SLC35D4: variants seen among roughly 807,000 people sequenced by gnomAD.
SLC35D4 encodes solute carrier family 35 member D4.
the SLC35D4 span, among the ~76,000 whole-genome samples, chr18:23,298,871 C>A: frequency 2.0e-5 from 3 of 152,194 alleles, no homozygotes; most frequent in Admixed American, 6.5e-5. Context: ...CCTCTCTCAT[C>A]TGCCTACCCA....
At chr18:23,408,547 T>C in the SLC35D4 span, among the ~76,000 whole-genome samples, 1 of 152,222 alleles carries the variant, frequency 6.6e-6, no homozygotes, top group African/African-American at 2.4e-5. Flanking sequence ...ACAGAATTGC[T>C]GGTGTTGACA....
chr18:23,257,118 G>A, the SLC35D4 span: 2 of 1,253,832 alleles, frequency 1.6e-6, no homozygotes, highest in South Asian at 1.3e-5. Context: ...TGCCCAAAGT[G>A]GATTTCTCCT....
At chr18:23,409,660 T>C in the SLC35D4 span, among the ~76,000 whole-genome samples, 5 of 151,960 alleles carry the variant, frequency 3.3e-5, no homozygotes, top group Non-Finnish European at 7.4e-5. Flanking sequence ...GGCCAATGTA[T>C]AGTAAAACAC....
the SLC35D4 span, chr18:23,254,017 C>G: frequency 8.3e-7 from 1 of 1,202,604 alleles, no homozygotes. Context: ...CGGTCAGTGA[C>G]CCTGCCTGGA....
At chr18:23,354,699 C>T in the SLC35D4 span, among the ~76,000 whole-genome samples, 1 of 152,184 alleles carries the variant, frequency 6.6e-6, no homozygotes, top group Admixed American at 6.5e-5. Flanking sequence ...TTTCCCTCTC[C>T]TCTATGCCTC....
At chr18:23,339,582 G>C in the SLC35D4 span, among the ~76,000 whole-genome samples, 1 of 152,212 alleles carries the variant, frequency 6.6e-6, no homozygotes, top group Non-Finnish European at 1.5e-5. Context: ...CTTTACAGAT[G>C]AAACAATGGA....
chr18:23,371,588 G>A, the SLC35D4 span: 1 of 685,182 alleles, frequency 1.5e-6, no homozygotes, highest in Non-Finnish European at 2.3e-6. Flanking sequence ...TCCCAAAACA[G>A]GACTCCTGGG....
chr18:23,276,401 T>G, the SLC35D4 span, among the ~76,000 whole-genome samples: 1 of 151,962 alleles, frequency 6.6e-6, no homozygotes, highest in Non-Finnish European at 1.5e-5. Context: ...AAAGGGCACA[T>G]TTTATGTTAT....
the SLC35D4 span, among the ~76,000 whole-genome samples, chr18:23,290,568 A>C: frequency 1.3e-5 from 2 of 152,188 alleles, no homozygotes; most frequent in East Asian, 3.9e-4. Flanking sequence ...CCTCAGGAGA[A>C]TCCATCTTTG....
chr18:23,333,074 A>T, the SLC35D4 span, among the ~76,000 whole-genome samples: 2 of 152,224 alleles, frequency 1.3e-5, no homozygotes, highest in African/African-American at 4.8e-5. Context: ...TGAAAAAAAA[A>T]TTTCAGGGAA....
the SLC35D4 span, among the ~76,000 whole-genome samples, chr18:23,266,360 G>A: frequency 2.3e-5 from 3 of 129,588 alleles, no homozygotes; most frequent in African/African-American, 9.1e-5. Context: ...GCACTCAATA[G>A]ATGAAAACAA....
chr18:23,361,121 A>AAG, the SLC35D4 span, among the ~76,000 whole-genome samples: 10 of 145,062 alleles, frequency 6.9e-5, no homozygotes, highest in African/African-American at 1.6e-4. Context: ...AAAAAAAAAA[A>AAG]AAAAGAAAAA....
chr18:23,424,223 G>T, the SLC35D4 span, among the ~76,000 whole-genome samples: 1 of 152,190 alleles, frequency 6.6e-6, no homozygotes. Flanking sequence ...GGAGACAAAG[G>T]AAACAAGAAT....
chr18:23,369,488 G>A, the SLC35D4 span, among the ~76,000 whole-genome samples: 1 of 152,338 alleles, frequency 6.6e-6, no homozygotes, highest in East Asian at 1.9e-4. Flanking sequence ...CTAGTAAGTG[G>A]AGACTTCTGG....
the SLC35D4 span, among the ~76,000 whole-genome samples, chr18:23,379,538 C>T: frequency 4.4e-3 from 664 of 152,194 alleles, 6 homozygotes; most frequent in African/African-American, 0.015. Context: ...GCATGTTCAC[C>T]CAGTAACTTC....
the SLC35D4 span, among the ~76,000 whole-genome samples, chr18:23,295,559 A>T: frequency 1.3e-3 from 201 of 152,248 alleles, 5 homozygotes; most frequent in East Asian, 0.021. Context: ...GTTGAAAGCC[A>T]TATGTGTTAA....
chr18:23,433,867 C>CA, the SLC35D4 span, among the ~76,000 whole-genome samples: 36,005 of 147,880 alleles, frequency 0.24, 5,420 homozygotes, highest in East Asian at 0.41. Context: ...CTACTTTAGA[C>CA]AAAAAAAAAA....
the SLC35D4 span, among the ~76,000 whole-genome samples, chr18:23,360,109 T>C: frequency 6.6e-6 from 1 of 152,152 alleles, no homozygotes; most frequent in African/African-American, 2.4e-5. Flanking sequence ...CCAGAAGCCC[T>C]CACACACCCT....
At chr18:23,261,034 AG>A in the SLC35D4 span, among the ~76,000 whole-genome samples, 1 of 152,236 alleles carries the variant, frequency 6.6e-6, no homozygotes, top group Non-Finnish European at 1.5e-5. Context: ...AGGGCCCTTT[AG>A]ACTTCGAAAT....
Sources: allele counts gnomAD v4.1 joint callset (sites outside exome capture counted in the v4.1 genomes callset), GRCh38; gene constraint gnomAD v4.1.1; transcripts MANE v1.5; gene names NCBI Gene and HGNC (gene_info 2026-07-23, HGNC 2026-07-21).